The following ASXL3 variants were observed in gnomAD, a reference collection of about 807,000 sequenced individuals.
ASXL3 encodes putative Polycomb group protein ASXL3.
Under a neutral mutation model 170.6 loss-of-function variants are expected in ASXL3, and 34 were observed. The observed-to-expected ratio is 0.20, with a 90% confidence interval of 0.15 to 0.27. The LOEUF is 0.27. Ranked by LOEUF, ASXL3 falls within the 10% of genes least tolerant of loss-of-function variation. ASXL3 has a pLI of 1.00. For synonymous variants in ASXL3, 1,002 were observed against 989.1 expected, an observed-to-expected ratio of 1.01 and a Z score of -0.24; for missense variants, 2,592 against 2,695.3, an observed-to-expected ratio of 0.96 and a Z score of 0.85.
At chr18:33,622,234 G>T (rs2145154567) in intron 2 of ASXL3, among the ~76,000 whole-genome samples, 1 of 152,202 alleles carries the variant, frequency 6.6e-6, no homozygotes, top group South Asian at 2.1e-4. Flanking sequence ...CAAATGCTTT[G>T]TGTAATTAAT....
chr18:33,693,936 G>T (rs1223731564), intron 8 of ASXL3, among the ~76,000 whole-genome samples: 1 of 152,126 alleles, frequency 6.6e-6, no homozygotes, highest in Non-Finnish European at 1.5e-5. Flanking sequence ...TGATTGAGCG[G>T]ACAGGAAAAT....
At chr18:33,637,807 A>G (rs1333306568) in intron 2 of ASXL3, among the ~76,000 whole-genome samples, 2 of 152,174 alleles carry the variant, frequency 1.3e-5, no homozygotes, top group Non-Finnish European at 2.9e-5. Flanking sequence ...TCATCTTGGA[A>G]TAAACTAAGG....
At chr18:33,689,844 C>G (rs2066659105) in intron 8 of ASXL3, among the ~76,000 whole-genome samples, 1 of 152,064 alleles carries the variant, frequency 6.6e-6, no homozygotes, top group Non-Finnish European at 1.5e-5. Flanking sequence ...TTCAGATTTT[C>G]AATGTATTAA....
chr18:33,675,356 A>AT lies in ASXL3; in HGVS notation c.715+3496dup, dbSNP rs200128091. On this transcript the variant is annotated intron_variant, in intron 7 of 11. Coordinates refer to ENST00000269197, the MANE Select transcript of ASXL3 (RefSeq NM_030632.3). ...AGAGACAGCCTGTATTCCCTCTTCT[A>AT]TTTTTTCCACCTGAGTTAGACATCT... Among the ~76,000 whole-genome samples the AT allele has an allele frequency of 4.8e-3, 728 of 152,052 alleles. 9 individuals are homozygous for AT. The highest frequency in any genetic ancestry group is 0.017 in the African/African-American group (692 of 41,460).
At chr18:33,613,185 T>A (rs1242756733) in intron 2 of ASXL3, among the ~76,000 whole-genome samples, 2 of 152,136 alleles carry the variant, frequency 1.3e-5, no homozygotes, top group African/African-American at 4.8e-5. Flanking sequence ...CATTCTTAAC[T>A]CCCTTCTCCT....
intron 10 of ASXL3, among the ~76,000 whole-genome samples, chr18:33,735,443 CA>C (rs1212557260): frequency 6.6e-6 from 1 of 152,090 alleles, no homozygotes; most frequent in Non-Finnish European, 1.5e-5. Flanking sequence ...TATTTTTAAG[CA>C]AAACCAAATA....
intron 2 of ASXL3, 76 bp from the exon 3 acceptor site, chr18:33,644,818 G>A (rs1157441625): frequency 5.8e-6 from 5 of 863,590 alleles, no homozygotes; most frequent in South Asian, 2.2e-5. Flanking sequence ...GAGAGAGCGA[G>A]CGAGACTCAG....
intron 4 of ASXL3, among the ~76,000 whole-genome samples, chr18:33,654,579 TCTC>T (rs1568307219): frequency 2.0e-5 from 3 of 152,210 alleles, no homozygotes; most frequent in South Asian, 4.1e-4. Flanking sequence ...CTTTTGCTGA[TCTC>T]CTTCCTGTCC....
intron 2 of ASXL3, among the ~76,000 whole-genome samples, chr18:33,634,145 T>G (rs1410169815): frequency 6.6e-6 from 1 of 152,118 alleles, no homozygotes; most frequent in Non-Finnish European, 1.5e-5. Context: ...TTCCATGTAA[T>G]TACATTTGCT....
chr18:33,591,710 C>T (rs1417486154), intron 1 of ASXL3, among the ~76,000 whole-genome samples: 3 of 151,272 alleles, frequency 2.0e-5, no homozygotes, highest in East Asian at 2.0e-4. Flanking sequence ...GGCGCGATCT[C>T]GGCTCACTGC....
chr18:33,675,038 T>C (rs1197785551), intron 7 of ASXL3, among the ~76,000 whole-genome samples: 1 of 152,224 alleles, frequency 6.6e-6, no homozygotes, highest in African/African-American at 2.4e-5. Context: ...GTTAACTCCT[T>C]GGAACAGTGG....
At chr18:33,667,731 C>T (rs2066280956) in intron 5 of ASXL3, among the ~76,000 whole-genome samples, 1 of 152,128 alleles carries the variant, frequency 6.6e-6, no homozygotes, top group Non-Finnish European at 1.5e-5. Context: ...CTTCATCTTT[C>T]TGGCATAATT....
chr18:33,592,528 T>C (rs1164085501), intron 1 of ASXL3, among the ~76,000 whole-genome samples: 4 of 152,180 alleles, frequency 2.6e-5, no homozygotes, highest in African/African-American at 9.7e-5. Context: ...CTGGTTGTAT[T>C]GATCGCAGAA....
intron 5 of ASXL3, among the ~76,000 whole-genome samples, 180 bp from the exon 6 acceptor site, chr18:33,670,493 G>A (rs112985392): frequency 3.3e-5 from 5 of 152,134 alleles, no homozygotes; most frequent in African/African-American, 7.2e-5. Flanking sequence ...CTGATTTTAT[G>A]CTTTTGAGGG....
intron 7 of ASXL3, among the ~76,000 whole-genome samples, chr18:33,672,346 C>CTTT (rs1273366394): frequency 1.3e-5 from 2 of 152,088 alleles, no homozygotes; most frequent in African/African-American, 4.8e-5. Context: ...TAGTGCCTGT[C>CTTT]TGAAAAAATG....
intron 2 of ASXL3, among the ~76,000 whole-genome samples, chr18:33,621,786 G>A (rs1243079964): frequency 6.6e-6 from 1 of 152,160 alleles, no homozygotes; most frequent in East Asian, 1.9e-4. Context: ...TATGGGATAT[G>A]TGAGGCAAGG....
chr18:33,602,178 A>T (rs2065190484), intron 1 of ASXL3, among the ~76,000 whole-genome samples: 3 of 151,914 alleles, frequency 2.0e-5, no homozygotes, highest in Admixed American at 2.0e-4. Flanking sequence ...TAATCTAACT[A>T]ATGCCTAATT....
intron 8 of ASXL3, among the ~76,000 whole-genome samples, chr18:33,714,414 C>T (rs1293601380): frequency 1.3e-5 from 2 of 152,154 alleles, no homozygotes; most frequent in Non-Finnish European, 2.9e-5. Context: ...TCATTAACTG[C>T]TGCTTCTTTG....
At position 33,746,213 on chromosome 18, in the gene ASXL3, T is replaced by G. The variant is rs1272430780; in HGVS notation, c.6365T>G (p.Phe2122Cys). 8 of 1,613,898 alleles carry G rather than the reference T, an allele frequency of 5.0e-6. No individual in the cohort carries two copies. Among genetic ancestry groups the G allele is most frequent in the Non-Finnish European group, 6.8e-6 (8 of 1,179,886 alleles). The stretch of plus-strand genomic sequence containing the variant: ...GCATTCGCGCTAAAAAGTGCAGATT[T>G]CTCTTCCTATTTGCTTTCTGAGCCA... ...LKAFALKSADFSSYLLSEPQK... is the reference protein window; with the variant it reads ...LKAFALKSADCSSYLLSEPQK... The change falls in exon 12 of 12, where the codon TTC becomes TGC. Residue 2122 changes from phenylalanine (F) to cysteine (C), a missense_variant. Phe to Cys is a radical substitution (Grantham distance 205, BLOSUM62 -2). This residue lies in a region of ASXL3 where 2,246 missense variants were observed against 2,219.6 expected (regional missense o/e 1.01). Transcript: ENST00000269197.
Sources: gnomAD v4.1 joint callset for allele counts (sites outside exome capture counted in the v4.1 genomes callset) on GRCh38, gnomAD v4.1.1 for gene constraint, gnomAD v4.1.1 regional missense constraint, MANE v1.5 for transcripts, NCBI Gene and HGNC (gene_info 2026-07-23, HGNC 2026-07-21) for gene names.